THTPA: variants seen among roughly 807,000 people sequenced by gnomAD.
The protein encoded by THTPA is thiamine-triphosphatase.
THTPA carries 16 observed loss-of-function variants against 16.5 expected under a neutral mutation model. That is an observed-to-expected ratio of 0.97 (90% CI 0.66 to 1.47). The LOEUF is 1.47. Among genes scored for constraint, THTPA ranks in the 40% most tolerant of loss-of-function variants. THTPA has a pLI of 0.00. For missense variants in THTPA, 281 were observed against 280.9 expected (o/e 1.00, Z 0.00); for synonymous variants, 110 against 115.5 (o/e 0.95, Z 0.30).
Position 23,558,735 on chromosome 14 carries a change from G to A in THTPA, c.588G>A (p.Val196=), listed in dbSNP as rs536863948. 1 of 1,614,214 alleles carries A rather than the reference G, an allele frequency of 6.2e-7. No individual in the cohort carries two copies. The highest frequency in any genetic ancestry group is 2.2e-5 in the East Asian group (1 of 44,888). ...AGACAGCACCAGCCAAGCTGATTGT[G>A]TATCTACAGCGTTTCCGGCCTCAAG... ...AQETAPAKLI[V]YLQRFRPQDY... Residue 196 remains valine (V), a synonymous_variant, in exon 2 of 2, where the codon GTG becomes GTA. Transcript: ENST00000288014.
At chr14:23,539,349 C>T in the THTPA span, among the ~76,000 whole-genome samples, 6 of 152,028 alleles carry the variant, frequency 3.9e-5, no homozygotes, top group South Asian at 2.1e-4. Flanking sequence ...TATATACAGT[C>T]GTAATTACTG....
rs1882409159 is a variant in THTPA at position 23,556,691 on chromosome 14, G to A, written c.-67G>A. On this transcript the variant is annotated 5_prime_UTR_variant, in exon 1 of 2. Coordinates refer to ENST00000288014, the MANE Select transcript of THTPA (RefSeq NM_024328.6). The stretch of plus-strand genomic sequence containing the variant: ...GTTCTGTACTGAGTTGACGCCCCAG[G>A]AGCTGAGCACCAGGCTTTGCATCCT... 1.3e-5 allele frequency: 20 copies of A among 1,526,848 alleles called. No individual in the cohort carries two copies. The highest frequency in any genetic ancestry group is 1.8e-5 in the Non-Finnish European group (20 of 1,133,836). The allele number at this position is 1,526,848 out of a possible 1,614,324, so 94.6% of individuals were successfully genotyped here. A position where few individuals can be genotyped will look rare whatever the true frequency, so the allele number is the denominator to read the frequency against.
chr14:23,513,475 G>T, the THTPA span: 1 of 152,926 alleles, frequency 6.5e-6, no homozygotes. Context: ...GCATGGGTGG[G>T]GGTTGGCATT....
Position 23,559,541 on chromosome 14 carries a change from C to T in THTPA, c.*701C>T, listed in dbSNP as rs1336085917. The T allele has an allele frequency of 1.7e-6, 1 of 573,402 alleles. No individual in the cohort carries two copies. Among genetic ancestry groups the T allele is most frequent in the African/African-American group, 1.9e-5 (1 of 53,230 alleles). The allele number at this position is 573,402 out of a possible 1,614,324, so 35.5% of individuals were successfully genotyped here. A position where few individuals can be genotyped will look rare whatever the true frequency, so the allele number is the denominator to read the frequency against. The stretch of plus-strand genomic sequence containing the variant: ...CTTCCCTTGCTGTTATTCATACACA[C>T]TTTCCACTTCAAATATACCCAAATA... On this transcript the variant is annotated 3_prime_UTR_variant, in exon 2 of 2. Transcript: ENST00000288014.
At position 23,560,064 on chromosome 14, in the gene THTPA, G is replaced by T; in HGVS notation, c.*1224G>T. The T allele has an allele frequency of 6.6e-7, 1 of 1,512,036 alleles. No homozygotes were observed. Among genetic ancestry groups the T allele is most frequent in the Non-Finnish European group, 9.1e-7 (1 of 1,095,480 alleles). The allele number at this position is 1,512,036 out of a possible 1,614,324, so 93.7% of individuals were successfully genotyped here. A position where few individuals can be genotyped will look rare whatever the true frequency, so the allele number is the denominator to read the frequency against. On this transcript the variant is annotated 3_prime_UTR_variant, in exon 2 of 2. Transcript: ENST00000288014. ...GAACACAGGAGTTTAACAGAGCACAGTATGGCAGTAGGTAGGGCTCAGGCA... is the reference window on the plus strand; with the variant it reads ...GAACACAGGAGTTTAACAGAGCACATTATGGCAGTAGGTAGGGCTCAGGCA...
chr14:23,511,966 C>G, the THTPA span: 1 of 152,314 alleles, frequency 6.6e-6, no homozygotes, highest in Admixed American at 6.6e-5. Flanking sequence ...CCACTCAGCT[C>G]TCTTCCTCCT....
chr14:23,518,786 A>G, the THTPA span, among the ~76,000 whole-genome samples: 1 of 152,204 alleles, frequency 6.6e-6, no homozygotes, highest in Non-Finnish European at 1.5e-5. The surrounding 1 kb of genome is among the most constrained non-coding windows in gnomAD (Gnocchi z 4.5). Flanking sequence ...GAGAAATACC[A>G]TGATTTAATT....
chr14:23,535,153 C>G, the THTPA span: 1 of 1,535,882 alleles, frequency 6.5e-7, no homozygotes, highest in Non-Finnish European at 8.7e-7. This position sits in a 1 kb window ranked among gnomAD's most constrained non-coding sequence, Gnocchi z 4.5. Flanking sequence ...CAGGAGCTGT[C>G]CCCCTGGCTC....
the THTPA span, chr14:23,531,500 G>A: frequency 1.4e-5 from 20 of 1,435,930 alleles, no homozygotes; most frequent in East Asian, 1.1e-4. Context: ...GGAGCTGCCC[G>A]TGGCTGAAGC....
chr14:23,512,533 A>ACC, the THTPA span, among the ~76,000 whole-genome samples: 1 of 45,842 alleles, frequency 2.2e-5, no homozygotes, highest in Admixed American at 2.2e-4. Flanking sequence ...ACCTCACCCC[A>ACC]CCCCCACCCC....
chr14:23,557,874 T>C (rs1429703090), intron 1 of THTPA, among the ~76,000 whole-genome samples: 1 of 152,256 alleles, frequency 6.6e-6, no homozygotes, highest in African/African-American at 2.4e-5. Context: ...ACTGATGCAC[T>C]GCCCACTACA....
chr14:23,559,706 G>T lies in THTPA; in HGVS notation c.*866G>T. On this transcript the variant is annotated 3_prime_UTR_variant, in exon 2 of 2. Coordinates refer to ENST00000288014, the MANE Select transcript of THTPA (RefSeq NM_024328.6). ...GGTTCGAAGCTGCTGGGGCCCCCTGGGGTTTGGGACACAGGAGAATTTCAG... is the reference window on the plus strand; with the variant it reads ...GGTTCGAAGCTGCTGGGGCCCCCTGTGGTTTGGGACACAGGAGAATTTCAG... The T allele has an allele frequency of 6.3e-7, 1 of 1,597,234 alleles. No individual in the cohort carries two copies. Among genetic ancestry groups the T allele is most frequent in the South Asian group, 1.1e-5 (1 of 89,830 alleles).
At chr14:23,532,536 C>T in the THTPA span, 7 of 1,429,210 alleles carry the variant, frequency 4.9e-6, no homozygotes, top group African/African-American at 1.4e-5. Context: ...CCCTTCTCCT[C>T]TTCCGATGGC....
chr14:23,546,523 G>GT, the THTPA span, among the ~76,000 whole-genome samples: 1 of 152,138 alleles, frequency 6.6e-6, no homozygotes, highest in Non-Finnish European at 1.5e-5. The surrounding 1 kb of genome is among the most constrained non-coding windows in gnomAD (Gnocchi z 4.7). Context: ...CTCTGGACTA[G>GT]TTCCTACATG....
Position 23,558,716 on chromosome 14 carries a change from C to T in THTPA, c.569C>T (p.Ala190Val), listed in dbSNP as rs781302571. The change falls in exon 2 of 2, where the codon GCA (alanine) becomes GTA (valine). Residue 190 changes from alanine to valine, a missense_variant. By Grantham distance (64) the Ala-to-Val change is moderately conservative (BLOSUM62 0). Coordinates refer to ENST00000288014, the MANE Select transcript of THTPA (RefSeq NM_024328.6). ...GTAGGTGTGCCTGCACAGGAGACAG[C>T]ACCAGCCAAGCTGATTGTGTATCTA... ...SMLGVPAQETAPAKLIVYLQR... is the reference protein window; with the variant it reads ...SMLGVPAQETVPAKLIVYLQR... 1.9e-6 allele frequency: 3 copies of T among 1,614,112 alleles called. No individual in the cohort carries two copies. The highest frequency in any genetic ancestry group is 3.3e-5 in the Admixed American group (2 of 60,006).
At chr14:23,522,504 T>C in the THTPA span, 34 of 1,531,372 alleles carry the variant, frequency 2.2e-5, no homozygotes, top group Non-Finnish European at 2.8e-5. Context: ...AGCAGCCCAA[T>C]GAGGGTCTGA....
At chr14:23,522,752 G>C in the THTPA span, 1 of 1,536,384 alleles carries the variant, frequency 6.5e-7, no homozygotes, top group Admixed American at 2.0e-5. Flanking sequence ...TCGCTCACTG[G>C]AGACCTTGTC....
Position 23,559,154 on chromosome 14 carries a change from ACC to A in THTPA, c.*320_*321del. The A allele has an allele frequency of 3.5e-6, 1 of 284,908 alleles. No individual in the cohort carries two copies. The highest frequency in any genetic ancestry group is 6.6e-6 in the Non-Finnish European group (1 of 150,666). The allele number at this position is 284,908 out of a possible 1,614,324, so 17.6% of individuals were successfully genotyped here. On this transcript the variant is annotated 3_prime_UTR_variant, in exon 2 of 2. Coordinates refer to ENST00000288014, the MANE Select transcript of THTPA (RefSeq NM_024328.6). ...GTTAAGCACAGGAAAATCCCTTGCCACCCCCCCTCCCTTGGTCGATGCCATTG... is the reference window on the plus strand; with the variant it reads ...GTTAAGCACAGGAAAATCCCTTGCCACCCCCTCCCTTGGTCGATGCCATTG...
chr14:23,521,812 T>C, the THTPA span: 2 of 1,340,704 alleles, frequency 1.5e-6, no homozygotes, highest in South Asian at 1.5e-5. Flanking sequence ...GTGGGGTGTG[T>C]GGTGCCCACT....
Sources: allele counts gnomAD v4.1 joint callset (sites outside exome capture counted in the v4.1 genomes callset), GRCh38; gene constraint gnomAD v4.1.1; non-coding constraint Gnocchi (gnomAD v3.1); transcripts MANE v1.5; gene names NCBI Gene and HGNC (gene_info 2026-07-23, HGNC 2026-07-21).